DCDC2: variants seen among roughly 807,000 people sequenced by gnomAD.
DCDC2 encodes doublecortin domain-containing protein 2.
In DCDC2, 40 loss-of-function variants were observed where a neutral mutation model predicts 50.2. The observed-to-expected ratio is 0.80, with a 90% confidence interval of 0.62 to 1.04. DCDC2 has a LOEUF of 1.04. Ranked by LOEUF, DCDC2 falls within the 50% of genes least tolerant of loss-of-function variation. The pLI is 0.00. For missense variants in DCDC2, 570 were observed against 581.9 expected (o/e 0.98, Z 0.21); for synonymous variants, 234 against 210.6 (o/e 1.11, Z -0.96).
intron 7 of DCDC2, among the ~76,000 whole-genome samples, chr6:24,248,723 GA>G (rs1000806216): frequency 6.6e-6 from 1 of 151,990 alleles, no homozygotes; most frequent in African/African-American, 2.4e-5. Flanking sequence ...TTACCCAGAT[GA>G]AAAAATGCAC....
chr6:24,209,442 G>A (rs1170485263), intron 7 of DCDC2, among the ~76,000 whole-genome samples: 29 of 152,130 alleles, frequency 1.9e-4, no homozygotes. Flanking sequence ...GAGGTGTTTT[G>A]TCCCCAATGA....
intron 8 of DCDC2, among the ~76,000 whole-genome samples, chr6:24,189,088 C>T (rs1761262221): frequency 6.6e-6 from 1 of 152,086 alleles, no homozygotes; most frequent in Non-Finnish European, 1.5e-5. Context: ...CTTTTCTCCT[C>T]GACACCAGCG....
intron 8 of DCDC2, 22 bp from the exon 9 acceptor site, chr6:24,178,654 T>G (rs763068019): frequency 1.3e-6 from 2 of 1,597,572 alleles, no homozygotes; most frequent in Non-Finnish European, 1.7e-6. Context: ...AAAGGAATAA[T>G]GGATAAAAGT....
chr6:24,236,375 T>C (rs1160988005), intron 7 of DCDC2, among the ~76,000 whole-genome samples: 3 of 152,102 alleles, frequency 2.0e-5, no homozygotes, highest in African/African-American at 7.2e-5. Flanking sequence ...AGCTGGCTTT[T>C]ACCATATACA....
chr6:24,200,032 G>A (rs935793481), intron 8 of DCDC2, among the ~76,000 whole-genome samples: 11 of 152,120 alleles, frequency 7.2e-5, no homozygotes, highest in African/African-American at 2.7e-4. Context: ...ACCTACAACT[G>A]ATTGGAGTCC....
chr6:24,180,107 T>C (rs1338366707), intron 8 of DCDC2, among the ~76,000 whole-genome samples: 1 of 151,986 alleles, frequency 6.6e-6, no homozygotes, highest in Non-Finnish European at 1.5e-5. Flanking sequence ...ATTTGTAAAA[T>C]GGGAACGTAA....
chr6:24,309,065 G>A (rs10946690), intron 2 of DCDC2, among the ~76,000 whole-genome samples: 70,064 of 151,970 alleles, frequency 0.46, 19,630 homozygotes, highest in Non-Finnish European at 0.6. Context: ...ATTAATCCAC[G>A]CCTGTAATCC....
chr6:24,284,610 CAA>C (rs200440372), intron 6 of DCDC2, among the ~76,000 whole-genome samples: 6,281 of 99,938 alleles, frequency 0.063, 348 homozygotes, highest in African/African-American at 0.18. Context: ...GACTCTGTCT[CAA>C]AAAAAAAAAA....
intron 8 of DCDC2, among the ~76,000 whole-genome samples, chr6:24,192,972 G>C (rs793849): frequency 0.044 from 6,605 of 151,714 alleles, 171 homozygotes; most frequent in Middle Eastern, 0.065. Context: ...CAGAACACCA[G>C]GAACAAAGAA....
chr6:24,172,241 T>C lies in DCDC2; in HGVS notation c.*2489A>G, dbSNP rs1760794056. 6.6e-6 allele frequency: 1 copy of C among 152,220 alleles called. No homozygotes were observed. Among genetic ancestry groups the C allele is most frequent in the African/African-American group, 2.4e-5 (1 of 41,464 alleles). 9.4% of individuals were successfully genotyped at this position (152,220 alleles called of 1,614,324 possible). A position where few individuals can be genotyped will look rare whatever the true frequency, so the allele number is the denominator to read the frequency against. On this transcript the variant is annotated 3_prime_UTR_variant, in exon 10 of 10. Transcript: ENST00000378454. ...AGGCACCTTTTTTTAGTAACATGTT[T>C]GCAAAGTGTCTTAAAGTGATAAGTC... is the stretch of plus-strand genomic sequence containing the variant.
In DCDC2 at chr6:24,174,623, T is replaced by G. The variant is rs1009561406; in HGVS notation, c.*107A>C. Reference sequence around the variant, plus strand: ...TAATGTTATAATTCGTAGGTAGTATTCGACCATAGTGTCACATTATATTCA... The same window carrying G: ...TAATGTTATAATTCGTAGGTAGTATGCGACCATAGTGTCACATTATATTCA... On this transcript the variant is annotated 3_prime_UTR_variant, in exon 10 of 10. Transcript: ENST00000378454. 309 of 708,306 alleles carry G rather than the reference T, an allele frequency of 4.4e-4. 1 individual carries two copies. Among genetic ancestry groups the G allele is most frequent in the Middle Eastern group, 1.2e-3 (4 of 3,290 alleles). 43.9% of individuals were successfully genotyped at this position (708,306 alleles called of 1,614,324 possible). A position where few individuals can be genotyped will look rare whatever the true frequency, so the allele number is the denominator to read the frequency against.
chr6:24,376,774 A>G, the DCDC2 span, among the ~76,000 whole-genome samples: 1,285 of 147,616 alleles, frequency 8.7e-3, 8 homozygotes, highest in South Asian at 0.017. Context: ...ATAATGCTAG[A>G]AAAAAAAAGA....
chr6:24,178,340 C>G lies in DCDC2; in HGVS notation c.1316G>C (p.Gly439Ala). ...KERKSQGAGS[G>A]QDEADVDPQR... ...AAGCAATAGAAATACCTCATCTTGT[C>G]CACTGCCAGCTCCTTGAGACTTTCT... is the stretch of plus-strand genomic sequence containing the variant. Residue 439 changes from glycine to alanine, a missense_variant, in exon 9 of 10, where the codon GGA (glycine) becomes GCA (alanine). By Grantham distance (60) the Gly-to-Ala change is moderately conservative. Coordinates refer to ENST00000378454, the MANE Select transcript of DCDC2 (RefSeq NM_016356.5). The G allele has an allele frequency of 6.2e-7, 1 of 1,613,176 alleles. No individual in the cohort carries two copies.
At chr6:24,317,241 C>A (rs1581649120) in intron 2 of DCDC2, among the ~76,000 whole-genome samples, 1 of 151,810 alleles carries the variant, frequency 6.6e-6, no homozygotes, top group Non-Finnish European at 1.5e-5. Flanking sequence ...AATTTTTAAA[C>A]CATAATTTTA....
chr6:24,281,070 GTCTT>G (rs1407489823), intron 6 of DCDC2, among the ~76,000 whole-genome samples: 2 of 152,112 alleles, frequency 1.3e-5, no homozygotes, highest in Non-Finnish European at 2.9e-5. Flanking sequence ...TGGAGTGCGT[GTCTT>G]TCTAAGTCAC....
chr6:24,181,020 C>T (rs755879634), intron 8 of DCDC2, among the ~76,000 whole-genome samples: 11 of 152,240 alleles, frequency 7.2e-5, no homozygotes, highest in Non-Finnish European at 1.3e-4. Flanking sequence ...TTCTTAGATA[C>T]TGAAAAAACC....
chr6:24,212,160 C>T (rs755036876), intron 7 of DCDC2, among the ~76,000 whole-genome samples: 16 of 152,152 alleles, frequency 1.1e-4, no homozygotes, highest in Non-Finnish European at 2.1e-4. Flanking sequence ...TAACTAATGT[C>T]TCATGATCTG....
At chr6:24,355,985 G>A (rs945781576) in intron 1 of DCDC2, among the ~76,000 whole-genome samples, 2 of 152,052 alleles carry the variant, frequency 1.3e-5, no homozygotes, top group East Asian at 3.9e-4. Flanking sequence ...CTATCCTGGG[G>A]CCCAAGATGA....
the DCDC2 span, among the ~76,000 whole-genome samples, chr6:24,373,366 A>T: frequency 1.3e-5 from 2 of 152,258 alleles, no homozygotes; most frequent in African/African-American, 4.8e-5. Context: ...ATTAATAAAT[A>T]ATGATACACT....
Sources: allele counts gnomAD v4.1 joint callset (sites outside exome capture counted in the v4.1 genomes callset), GRCh38; gene constraint gnomAD v4.1.1; transcripts MANE v1.5; gene names NCBI Gene and HGNC (gene_info 2026-07-23, HGNC 2026-07-21).